ROBO1: variants seen among roughly 807,000 people sequenced by gnomAD.
The protein encoded by ROBO1 is roundabout homolog 1.
In ROBO1, 149 loss-of-function variants were observed where a neutral mutation model predicts 195.9. That is an observed-to-expected ratio of 0.76 (90% CI 0.67 to 0.87). The LOEUF (loss-of-function observed/expected upper bound fraction) is 0.87. ROBO1 is among the 40% of genes least tolerant of loss of function. The probability of loss-of-function intolerance (pLI) is 0.00; values close to 1 mark genes in which losing one functional copy is unlikely to be tolerated. For synonymous variants in ROBO1, 816 were observed against 733.2 expected, an observed-to-expected ratio of 1.11 and a Z score of -1.82; for missense variants, 1,933 against 2,068.3, an observed-to-expected ratio of 0.93 and a Z score of 1.27.
chr3:79,097,776 T>G (rs2079597291), intron 3 of ROBO1, among the ~76,000 whole-genome samples: 1 of 151,738 alleles, frequency 6.6e-6, no homozygotes, highest in African/African-American at 2.4e-5. Context: ...CTTTCTCATA[T>G]CCTTCTAAAT....
intron 19 of ROBO1, among the ~76,000 whole-genome samples, chr3:78,650,812 G>A (rs1296802407): frequency 2.0e-5 from 3 of 152,162 alleles, no homozygotes; most frequent in Admixed American, 2.0e-4. Context: ...TTGAGAGCAA[G>A]AAGGGGTACT....
intron 2 of ROBO1, among the ~76,000 whole-genome samples, chr3:79,286,453 T>A (rs1468055897): frequency 6.6e-6 from 1 of 152,150 alleles, no homozygotes; most frequent in East Asian, 1.9e-4. Flanking sequence ...GACAAAAAGA[T>A]GCCAATGTTC....
chr3:79,411,004 C>T (rs544342094), intron 2 of ROBO1, among the ~76,000 whole-genome samples: 1 of 152,264 alleles, frequency 6.6e-6, no homozygotes, highest in African/African-American at 2.4e-5. Flanking sequence ...ATTGGCATGC[C>T]TTTTCTGAAC....
At chr3:78,823,370 T>C (rs2108689534) in intron 4 of ROBO1, among the ~76,000 whole-genome samples, 1 of 152,142 alleles carries the variant, frequency 6.6e-6, no homozygotes, top group African/African-American at 2.4e-5. Context: ...CATAATAGAG[T>C]ACTCGAAACT....
At chr3:79,590,824 G>A (rs1359331919) in intron 1 of ROBO1, among the ~76,000 whole-genome samples, 1 of 151,730 alleles carries the variant, frequency 6.6e-6, no homozygotes, top group South Asian at 2.1e-4. Context: ...TAGGTAGATA[G>A]ATGATAGATA....
intron 2 of ROBO1, among the ~76,000 whole-genome samples, chr3:79,229,188 T>C (rs2082279041): frequency 6.6e-6 from 1 of 152,192 alleles, no homozygotes. Flanking sequence ...ATTTAAACAA[T>C]TCTAAATGCA....
intron 4 of ROBO1, among the ~76,000 whole-genome samples, chr3:78,784,854 G>T (rs1333862826): frequency 6.6e-6 from 1 of 152,032 alleles, no homozygotes; most frequent in African/African-American, 2.4e-5. Flanking sequence ...GTTTTCTCTT[G>T]TCCCTGAGCT....
Position 78,668,262 on chromosome 3 carries a change from T to C in ROBO1, c.1671A>G (p.Pro557=), listed in dbSNP as rs955979228. The change falls in exon 13 of 31, where the codon CCA becomes CCG. Residue 557 remains proline (P), a synonymous_variant. Transcript: ENST00000464233. The part of the protein sequence containing the change: ...VPVQPPRPTD[P]NLIPSAPSKP... ...TTGATGGGGCACTAGGGATTAAATT[T>C]GGGTCAGTAGGTCTTGGAGGCTGAA... The C allele has an allele frequency of 2.5e-6, 4 of 1,613,872 alleles. No individual in the cohort carries two copies. In the East Asian group the frequency reaches 8.9e-5, roughly 36 times the overall value.
chr3:79,019,769 A>G (rs536212018), intron 3 of ROBO1, among the ~76,000 whole-genome samples: 51 of 152,050 alleles, frequency 3.4e-4, no homozygotes, highest in African/African-American at 1.2e-3. Context: ...GACTTCAAAA[A>G]TCCTCCTGGT....
intron 4 of ROBO1, among the ~76,000 whole-genome samples, chr3:78,776,250 A>G (rs1049302642): frequency 2.6e-5 from 4 of 151,824 alleles, no homozygotes; most frequent in African/African-American, 4.8e-5. Context: ...TTATTTATTT[A>G]TTTATTTATT....
At chr3:79,079,689 C>T (rs1003640276) in intron 3 of ROBO1, among the ~76,000 whole-genome samples, 14 of 151,494 alleles carry the variant, frequency 9.2e-5, no homozygotes, top group Admixed American at 2.0e-4. Context: ...TTAAATCAAA[C>T]GACTAATGTT....
At position 79,511,959 on chromosome 3, in the gene ROBO1, T is replaced by C. The variant is rs115335417; in HGVS notation, c.88+77865A>G. ...AGAGGAGGGAGAGAATCAGGAAAAA[T>C]AATTAATGGATACTGGGCTTTATAC... On this transcript the variant is annotated intron_variant, in intron 2 of 30. Transcript: ENST00000464233. Among the ~76,000 whole-genome samples the C allele has an allele frequency of 7.9e-3, 1,194 of 152,100 alleles. 20 individuals carry two copies. The highest frequency in any genetic ancestry group is 0.028 in the African/African-American group (1,155 of 41,506).
At position 78,815,451 on chromosome 3, in the gene ROBO1, A is replaced by G. The variant is rs907976905; in HGVS notation, c.500-68551T>C. ...AAAAGTTCTAGTGATCTACATAGAA[A>G]GTCAAACCAACTGCAATACGCCTTT... On this transcript the variant is annotated intron_variant, in intron 4 of 30. Coordinates refer to ENST00000464233, the MANE Select transcript of ROBO1 (RefSeq NM_002941.4). 3.9e-5 allele frequency among the ~76,000 whole-genome samples: 6 copies of G among 152,174 alleles called. No homozygotes were observed. In the East Asian group the frequency reaches 1.2e-3, roughly 29 times the overall value.
At chr3:78,736,593 G>C (rs1179594574) in intron 5 of ROBO1, among the ~76,000 whole-genome samples, 1 of 152,090 alleles carries the variant, frequency 6.6e-6, no homozygotes, top group African/African-American at 2.4e-5. Context: ...GGTATACCAA[G>C]CTGTTGGCAT....
At chr3:79,394,112 G>T (rs1192815918) in intron 2 of ROBO1, among the ~76,000 whole-genome samples, 2 of 151,878 alleles carry the variant, frequency 1.3e-5, no homozygotes, top group African/African-American at 2.4e-5. Context: ...TAAGCCCCCT[G>T]CTTTGGTATA....
chr3:79,049,500 C>G (rs1309749065), intron 3 of ROBO1, among the ~76,000 whole-genome samples: 1 of 152,066 alleles, frequency 6.6e-6, no homozygotes, highest in Non-Finnish European at 1.5e-5. Flanking sequence ...GAGGACTTCC[C>G]CAACCTAGCA....
At chr3:79,464,011 G>A (rs78913707) in intron 2 of ROBO1, among the ~76,000 whole-genome samples, 1,759 of 152,102 alleles carry the variant, frequency 0.012, 35 homozygotes, top group African/African-American at 0.039. Context: ...CGAACATTTC[G>A]TATAAATGGA....
At chr3:79,384,705 T>A (rs2036678946) in intron 2 of ROBO1, among the ~76,000 whole-genome samples, 1 of 152,042 alleles carries the variant, frequency 6.6e-6, no homozygotes, top group Non-Finnish European at 1.5e-5. Flanking sequence ...GATGTTGCAT[T>A]ACAATCTGTT....
At chr3:79,034,848 T>C (rs2078355646) in intron 3 of ROBO1, among the ~76,000 whole-genome samples, 1 of 152,072 alleles carries the variant, frequency 6.6e-6, no homozygotes, top group Admixed American at 6.6e-5. Flanking sequence ...TAACATAAAA[T>C]CCAGGATACC....
Sources: allele counts gnomAD v4.1 joint callset (sites outside exome capture counted in the v4.1 genomes callset), GRCh38; gene constraint gnomAD v4.1.1; transcripts MANE v1.5; gene names NCBI Gene and HGNC (gene_info 2026-07-23, HGNC 2026-07-21).